FBN2: variants seen among roughly 807,000 people sequenced by gnomAD.
FBN2 encodes the protein fibrillin 2, also known as fibrillin-2.
Under a neutral mutation model 355.6 loss-of-function variants are expected in FBN2, and 105 were observed. That is an observed-to-expected ratio of 0.30 (90% CI 0.25 to 0.35). The LOEUF (loss-of-function observed/expected upper bound fraction) is 0.35. Among genes scored for constraint, FBN2 ranks in the 10% least tolerant of loss-of-function variants. The pLI is 1.00. For missense variants in FBN2, 3,280 were observed against 3,758.7 expected (o/e 0.87, Z 3.33); for synonymous variants, 1,350 against 1,301.2 (o/e 1.04, Z -0.81).
At chr5:128,463,502 T>C (rs1754613893) in intron 6 of FBN2, among the ~76,000 whole-genome samples, 1 of 152,184 alleles carries the variant, frequency 6.6e-6, no homozygotes, top group Non-Finnish European at 1.5e-5. Flanking sequence ...CCCCTTGGTA[T>C]CTCCGTAGTT....
At chr5:128,309,117 T>A (rs1749964009) in intron 41 of FBN2, 130 bp downstream of exon 41, 5 of 884,506 alleles carry the variant, frequency 5.7e-6, no homozygotes, top group Non-Finnish European at 9.2e-6. Context: ...AACAGAACCA[T>A]ATGATGCTCT....
chr5:128,307,232 C>G (rs1300149312), intron 41 of FBN2, 29 bp from the exon 42 acceptor site: 10 of 1,278,640 alleles, frequency 7.8e-6, no homozygotes, highest in Non-Finnish European at 1.1e-5. Context: ...GCAATGCACT[C>G]TTAAATTTCT....
At chr5:128,311,735 T>C in intron 38 of FBN2, 150 bp downstream of exon 38, 2 of 710,206 alleles carry the variant, frequency 2.8e-6, no homozygotes, top group Non-Finnish European at 2.6e-6. Flanking sequence ...TTGATAAAAG[T>C]AGTAGTTTAA....
chr5:128,328,187 C>A (rs1561772613), intron 34 of FBN2: 1 of 192,364 alleles, frequency 5.2e-6, no homozygotes, highest in Non-Finnish European at 1.1e-5. Flanking sequence ...TGGATGATGT[C>A]ATCACTTAGA....
chr5:128,274,640 G>A lies in FBN2; in HGVS notation c.7638C>T (p.Leu2546=). 6.2e-7 allele frequency: 1 copy of A among 1,613,480 alleles called. No homozygotes were observed. The highest frequency in any genetic ancestry group is 8.5e-7 in the Non-Finnish European group (1 of 1,179,422). The stretch of plus-strand genomic sequence containing the variant: ...TAAACCCCCCCAGGGTGTTGACACA[G>A]AGGAACTGGCAGTTATGCTGCTTTG... ...CQTKQHNCQF[L]CVNTLGGFTC... is the part of the protein sequence containing the mutation. Residue 2546 remains leucine (L), a synonymous_variant, in exon 60 of 65, where the codon CTC becomes CTT. Coordinates refer to ENST00000262464, the MANE Select transcript of FBN2 (RefSeq NM_001999.4).
chr5:128,515,398 G>T (rs1313478088), intron 5 of FBN2, among the ~76,000 whole-genome samples: 1 of 152,158 alleles, frequency 6.6e-6, no homozygotes, highest in African/African-American at 2.4e-5. Context: ...TTACACATCT[G>T]CTAAATGTCC....
chr5:128,325,787 C>T (rs1272146812), intron 34 of FBN2, among the ~76,000 whole-genome samples: 1 of 151,834 alleles, frequency 6.6e-6, no homozygotes, highest in Non-Finnish European at 1.5e-5. Context: ...TATCTCAGGC[C>T]CTTTCTCTAT....
At chr5:128,270,724 A>G (rs1486937517) in intron 62 of FBN2, among the ~76,000 whole-genome samples, 1 of 152,148 alleles carries the variant, frequency 6.6e-6, no homozygotes, top group African/African-American at 2.4e-5. Flanking sequence ...AACCTACAGA[A>G]TGTTTTACAT....
intron 8 of FBN2, among the ~76,000 whole-genome samples, chr5:128,400,674 C>A (rs1752773900): frequency 6.6e-6 from 1 of 152,120 alleles, no homozygotes; most frequent in Admixed American, 6.6e-5. Context: ...TGGTAATATT[C>A]TTGGACCACA....
chr5:128,305,921 C>A lies in FBN2; in HGVS notation c.5450G>T (p.Gly1817Val), dbSNP rs775845827. Residue 1817 changes from glycine (G) to valine (V), a missense_variant, in exon 43 of 65, where the codon GGC becomes GTC. Physicochemically the swap from Gly to Val is moderately radical, Grantham distance 109. This residue lies in a region of FBN2 where 2,284 missense variants were observed against 2,749.5 expected (regional missense o/e 0.83). Transcript: ENST00000262464. ...AATGCACACACCATTTGCACAAATG[C>A]CTGGAATCTCTTTACATTCATCAAT... ...VDIDECKEIP[G>V]ICANGVCINQ... 4 of 1,613,780 alleles carry A rather than the reference C, an allele frequency of 2.5e-6. No individual in the cohort carries two copies. Among genetic ancestry groups the A allele is most frequent in the Non-Finnish European group, 3.4e-6 (4 of 1,179,748 alleles).
At chr5:128,404,315 T>A (rs188366393) in intron 8 of FBN2, among the ~76,000 whole-genome samples, 1 of 152,240 alleles carries the variant, frequency 6.6e-6, no homozygotes, top group African/African-American at 2.4e-5. Flanking sequence ...TCAAAACATT[T>A]TTAAGCTGCT....
chr5:128,392,198 T>C (rs902470938), intron 10 of FBN2, 43 bp from the exon 11 acceptor site: 2 of 1,562,762 alleles, frequency 1.3e-6, no homozygotes, highest in Non-Finnish European at 8.8e-7. Flanking sequence ...CATTACAACA[T>C]GCATTACTTT....
At chr5:128,323,654 G>C (rs974539161) in intron 34 of FBN2, among the ~76,000 whole-genome samples, 5 of 152,206 alleles carry the variant, frequency 3.3e-5, no homozygotes, top group Non-Finnish European at 7.3e-5. Context: ...CTTGATCGTG[G>C]TGGATAAGCT....
At chr5:128,396,228 G>A (rs1056055179) in intron 8 of FBN2, among the ~76,000 whole-genome samples, 2 of 152,144 alleles carry the variant, frequency 1.3e-5, no homozygotes, top group African/African-American at 4.8e-5. Context: ...GGATGGCGAG[G>A]GAAGAAACGG....
At chr5:128,260,689 T>C (rs1764942894) in intron 64 of FBN2, among the ~76,000 whole-genome samples, 1 of 152,188 alleles carries the variant, frequency 6.6e-6, no homozygotes, top group Non-Finnish European at 1.5e-5. Flanking sequence ...TTAGTCTACT[T>C]AAGGTAAATG....
chr5:128,328,884 G>T (rs1357301430), intron 33 of FBN2, 63 bp from the exon 34 acceptor site: 14 of 1,576,734 alleles, frequency 8.9e-6, no homozygotes, highest in Non-Finnish European at 1.2e-5. Context: ...TTTTCTCCTT[G>T]CTCTATAAAT....
At chr5:128,290,007 G>C in intron 50 of FBN2, 60 bp from the exon 51 acceptor site, 1 of 954,904 alleles carries the variant, frequency 1.0e-6, no homozygotes, top group Non-Finnish European at 1.7e-6. Context: ...AAGAACTTAA[G>C]AAAGGATGAA....
intron 5 of FBN2, among the ~76,000 whole-genome samples, chr5:128,510,504 A>G (rs1756084550): frequency 6.6e-6 from 1 of 152,208 alleles, no homozygotes; most frequent in Non-Finnish European, 1.5e-5. Flanking sequence ...CATGAAAACC[A>G]CATTTTCATA....
intron 41 of FBN2, 70 bp downstream of exon 41, chr5:128,309,177 G>C: frequency 6.5e-7 from 1 of 1,528,820 alleles, no homozygotes; most frequent in African/African-American, 1.4e-5. Context: ...CAGTGACTTT[G>C]ACTATACTGT....
Sources: allele counts gnomAD v4.1 joint callset (sites outside exome capture counted in the v4.1 genomes callset), GRCh38; gene constraint gnomAD v4.1.1; regional missense constraint gnomAD v4.1.1; transcripts MANE v1.5; gene names NCBI Gene and HGNC (gene_info 2026-07-23, HGNC 2026-07-21).